ENDOU: variants seen among roughly 807,000 people sequenced by gnomAD.
ENDOU encodes endonuclease, poly(U) specific.
In ENDOU, 49 loss-of-function variants were observed where a neutral mutation model predicts 54.2. The ratio of observed to expected loss-of-function variants is 0.90; its 90% CI spans 0.72 to 1.15. The LOEUF (loss-of-function observed/expected upper bound fraction) is 1.15, where lower values mean the gene tolerates loss of function less well. Among genes scored for constraint, ENDOU ranks in the 50% most tolerant of loss-of-function variants. ENDOU has a pLI of 0.00. For missense variants in ENDOU, 458 were observed against 511.4 expected (o/e 0.90, Z 1.01); for synonymous variants, 172 against 190.5 (o/e 0.90, Z 0.80).
chr12:47,720,623 T>A, intron 2 of ENDOU, 130 bp downstream of exon 2: 1 of 957,574 alleles, frequency 1.0e-6, no homozygotes, highest in African/African-American at 1.7e-5. Context: ...CCTGCCTCTG[T>A]CCCTCAGTGC....
Position 47,716,822 on chromosome 12 carries a change from G to A in ENDOU, c.551+68C>T, listed in dbSNP as rs1175794239. On this transcript the variant is annotated intron_variant, in intron 5 of 9. Transcript: ENST00000422538. ...GTGCCTGACTTGAGGATAAAAAGTC[G>A]AGACATCGAAAGAAGCAAGGATAGG... The A allele has an allele frequency of 2.0e-5, 30 of 1,509,302 alleles. No individual in the cohort carries two copies. In the East Asian group the frequency reaches 3.2e-4, roughly 16 times the overall value. The allele number at this position is 1,509,302 out of a possible 1,614,324, so 93.5% of individuals were successfully genotyped here.
In ENDOU at chr12:47,711,780, G is replaced by A. The variant is rs756072862; in HGVS notation, c.973-5C>T. ...CACATCGGGGTAAGAATCCCACTGT[G>A]GAGGGAAGGGCAGAAAAGGGGGTCT... On this transcript the variant is annotated splice_polypyrimidine_tract_variant and splice_region_variant and intron_variant, in intron 8 of 9. Coordinates refer to ENST00000422538, the MANE Select transcript of ENDOU (RefSeq NM_001172439.2). 6.8e-6 allele frequency: 11 copies of A among 1,614,086 alleles called. No homozygotes were observed. The South Asian group carries it at 1.2e-4, about 18-fold the overall frequency.
chr12:47,718,006 A>G (rs1282743845), intron 3 of ENDOU, 123 bp downstream of exon 3: 2 of 894,712 alleles, frequency 2.2e-6, no homozygotes, highest in East Asian at 2.7e-5. Context: ...CCCAGAATCC[A>G]ACAAGCCTCT....
Position 47,716,377 on chromosome 12 carries a change from G to T in ENDOU, c.674C>A (p.Ala225Asp), listed in dbSNP as rs540851564. ...HGEHFSAQELAEQDAFLREIM... is the reference protein window; with the variant it reads ...HGEHFSAQELDEQDAFLREIM... ...CTCTCTGAGGAAGGCGTCCTGCTCGGCCAGCTCCTGGGCACTGAAGTGCTC... is the reference window on the plus strand; with the variant it reads ...CTCTCTGAGGAAGGCGTCCTGCTCGTCCAGCTCCTGGGCACTGAAGTGCTC... Residue 225 changes from alanine (A) to aspartate (D), a missense_variant, in exon 6 of 10, where the codon GCC (alanine) becomes GAC (aspartate). Ala to Asp is a moderately radical substitution (Grantham distance 126). Transcript: ENST00000422538. The T allele has an allele frequency of 6.2e-7, 1 of 1,614,202 alleles. No homozygotes were observed. Among genetic ancestry groups the T allele is most frequent in the East Asian group, 2.2e-5 (1 of 44,886 alleles).
In ENDOU at chr12:47,710,765, C is replaced by T. The variant is rs1565729440; in HGVS notation, c.*37G>A. 1 of 1,411,508 alleles carries T rather than the reference C, an allele frequency of 7.1e-7. No homozygotes were observed. The highest frequency in any genetic ancestry group is 1.0e-6 in the Non-Finnish European group (1 of 994,958). 87.4% of individuals were successfully genotyped at this position (1,411,508 alleles called of 1,614,324 possible). ...CAGAGAAGATAGCACTTCAGTCTCGCAAGAGCCCTCATGCCCCTTTCTGGC... is the reference window on the plus strand; with the variant it reads ...CAGAGAAGATAGCACTTCAGTCTCGTAAGAGCCCTCATGCCCCTTTCTGGC... On this transcript the variant is annotated 3_prime_UTR_variant, in exon 10 of 10. Transcript: ENST00000422538.
intron 2 of ENDOU, chr12:47,720,521 T>C (rs565196990): frequency 2.0e-4 from 77 of 392,584 alleles, no homozygotes; most frequent in African/African-American, 7.0e-4. Context: ...AACTGATATT[T>C]CAGACAGAAA....
chr12:47,711,836 T>TG, intron 8 of ENDOU, 61 bp from the exon 9 acceptor site: 1 of 1,582,556 alleles, frequency 6.3e-7, no homozygotes, highest in Non-Finnish European at 8.7e-7. Flanking sequence ...GTAGAACGGG[T>TG]GCCCAATGGC....
chr12:47,716,452 G>C lies in ENDOU; in HGVS notation c.599C>G (p.Ala200Gly). 2 of 1,614,056 alleles carry C rather than the reference G, an allele frequency of 1.2e-6. No individual in the cohort carries two copies. The highest frequency in any genetic ancestry group is 1.7e-6 in the Non-Finnish European group (2 of 1,180,042). ...GTTGTTGAGGAGGTTGATGAAGGCT[G>C]CATAGGTGGGCTTGGAGAACAGCTT... The part of the protein sequence containing the change: ...NEKLFSKPTY[A>G]AFINLLNNYQ... The change falls in exon 6 of 10, where the codon GCA (alanine) becomes GGA (glycine). Residue 200 changes from alanine (A) to glycine (G), a missense_variant. Physicochemically the swap from Ala to Gly is moderately conservative, Grantham distance 60. Coordinates refer to ENST00000422538, the MANE Select transcript of ENDOU (RefSeq NM_001172439.2).
chr12:47,725,266 G>A (rs7967546), intron 1 of ENDOU, 93 bp downstream of exon 1: 271,552 of 1,393,542 alleles, frequency 0.19, 28,619 homozygotes, highest in African/African-American at 0.39. Flanking sequence ...CTTGTCCCAC[G>A]GCCCTGCCCT....
chr12:47,711,870 G>C (rs1259517176), intron 8 of ENDOU, 95 bp from the exon 9 acceptor site: 12 of 1,323,324 alleles, frequency 9.1e-6, no homozygotes, highest in Admixed American at 1.8e-5. Flanking sequence ...TATTTGTTGA[G>C]GGTCCATTAG....
chr12:47,721,191 G>A (rs1940422317), intron 1 of ENDOU, among the ~76,000 whole-genome samples: 1 of 152,174 alleles, frequency 6.6e-6, no homozygotes. Context: ...TGGAGACCGT[G>A]ACAAACTTGA....
intron 1 of ENDOU, among the ~76,000 whole-genome samples, chr12:47,723,577 C>T (rs779947423): frequency 1.3e-5 from 2 of 152,150 alleles, no homozygotes; most frequent in Non-Finnish European, 2.9e-5. Flanking sequence ...CCCTCCATTC[C>T]CCCAAGAAAT....
At chr12:47,711,989 C>T (rs1225214235) in intron 8 of ENDOU, among the ~76,000 whole-genome samples, 2 of 152,290 alleles carry the variant, frequency 1.3e-5, no homozygotes, top group East Asian at 3.9e-4. Flanking sequence ...GCTGCCAGTG[C>T]ACATCTACCA....
At position 47,716,311 on chromosome 12, in the gene ENDOU, A is replaced by T; in HGVS notation, c.740T>A (p.Leu247His). ...TAVMKELYSF[L>H]HHQNRYGSEQ... ...GGGTGCTCACTCACTCTGGTGATGG[A>T]GGAAGCTGTAGAGCTCCTTCATGAC... is the stretch of plus-strand genomic sequence containing the variant. Residue 247 changes from leucine to histidine, a missense_variant, in exon 6 of 10, where the codon CTC becomes CAC. Leu to His is a moderately conservative substitution (Grantham distance 99). Coordinates refer to ENST00000422538, the MANE Select transcript of ENDOU (RefSeq NM_001172439.2). 1 of 1,614,040 alleles carries T rather than the reference A, an allele frequency of 6.2e-7. No homozygotes were observed. The highest frequency in any genetic ancestry group is 8.5e-7 in the Non-Finnish European group (1 of 1,179,994).
intron 1 of ENDOU, among the ~76,000 whole-genome samples, chr12:47,723,987 C>A (rs1000362763): frequency 1.3e-5 from 2 of 152,190 alleles, no homozygotes; most frequent in African/African-American, 4.8e-5. Flanking sequence ...CTCTTCCCTG[C>A]CACCTTAGGA....
intron 6 of ENDOU, among the ~76,000 whole-genome samples, chr12:47,715,321 C>T (rs1940188264): frequency 6.6e-6 from 1 of 152,208 alleles, no homozygotes; most frequent in Admixed American, 6.5e-5. Flanking sequence ...ACAGCCTGGC[C>T]TTGGCATCGG....
Position 47,716,406 on chromosome 12 carries a change from A to C in ENDOU, c.645T>G (p.His215Gln). Residue 215 changes from histidine to glutamine, a missense_variant, in exon 6 of 10, where the codon CAT becomes CAG. Coordinates refer to ENST00000422538, the MANE Select transcript of ENDOU (RefSeq NM_001172439.2). Reference sequence around the variant, plus strand: ...GCTCCTGGGCACTGAAGTGCTCCCCATGGCCTGTTGCCCGCTGGTAGTTGT... The same window carrying C: ...GCTCCTGGGCACTGAAGTGCTCCCCCTGGCCTGTTGCCCGCTGGTAGTTGT... Reference protein sequence around the residue: ...LLNNYQRATGHGEHFSAQELA... With the variant: ...LLNNYQRATGQGEHFSAQELA... 6.2e-7 allele frequency: 1 copy of C among 1,614,178 alleles called. No homozygotes were observed. Among genetic ancestry groups the C allele is most frequent in the Non-Finnish European group, 8.5e-7 (1 of 1,180,026 alleles).
intron 9 of ENDOU, 78 bp from the exon 10 acceptor site, chr12:47,710,997 A>T: frequency 1.1e-6 from 1 of 922,268 alleles, no homozygotes. Flanking sequence ...ATCAAGCCCA[A>T]CTGAAGCAGA....
Sources: gnomAD v4.1 joint callset for allele counts (sites outside exome capture counted in the v4.1 genomes callset) on GRCh38, gnomAD v4.1.1 for gene constraint, MANE v1.5 for transcripts, NCBI Gene and HGNC (gene_info 2026-07-23, HGNC 2026-07-21) for gene names.